MGST3: variants seen among roughly 807,000 people sequenced by gnomAD.
MGST3 encodes microsomal glutathione S-transferase 3.
MGST3 carries 13 observed loss-of-function variants against 15.8 expected under a neutral mutation model. The ratio of observed to expected loss-of-function variants is 0.82; its 90% CI spans 0.54 to 1.31. The LOEUF (loss-of-function observed/expected upper bound fraction) is 1.31. Ranked by LOEUF, MGST3 falls within the 50% of genes most tolerant of loss-of-function variation. MGST3 has a pLI of 0.00. For synonymous variants in MGST3, 49 were observed against 68.1 expected, an observed-to-expected ratio of 0.72 and a Z score of 1.38; for missense variants, 155 against 192.4, an observed-to-expected ratio of 0.81 and a Z score of 1.15.
At chr1:165,632,085 G>T in intron 1 of MGST3, 1 of 645,918 alleles carries the variant, frequency 1.5e-6, no homozygotes. Context: ...TGTGGCTTCT[G>T]CTGATACTTT....
chr1:165,654,222 TA>T (rs34608497), intron 4 of MGST3, 56 bp from the exon 5 acceptor site: 1 of 1,547,738 alleles, frequency 6.5e-7, no homozygotes, highest in Non-Finnish European at 8.9e-7. Context: ...CCCTAGGTGT[TA>T]AAAAAGGTTT....
At chr1:165,643,273 C>T (rs963209150) in intron 1 of MGST3, among the ~76,000 whole-genome samples, 75 of 152,036 alleles carry the variant, frequency 4.9e-4, no homozygotes, top group South Asian at 6.2e-4. Context: ...TTAACTGGCC[C>T]TCTATTATTG....
At chr1:165,654,500 G>C in intron 5 of MGST3, 149 bp downstream of exon 5, 1 of 739,988 alleles carries the variant, frequency 1.4e-6, no homozygotes, top group Non-Finnish European at 2.4e-6. Context: ...ATACCAGCCT[G>C]GGCAACATGG....
At position 165,632,174 on chromosome 1, in the gene MGST3, A is replaced by G. The variant is rs1337600488; in HGVS notation, c.-8+881A>G. On this transcript the variant is annotated intron_variant, in intron 1 of 5. Coordinates refer to ENST00000367889, the MANE Select transcript of MGST3 (RefSeq NM_004528.4). Reference sequence around the variant, plus strand: ...GTGGAAGACGAGGTAAAGGAAAAGCAGATACTAGGATGGGTAGAAGGAGAG... The same window carrying G: ...GTGGAAGACGAGGTAAAGGAAAAGCGGATACTAGGATGGGTAGAAGGAGAG... 6.8e-6 allele frequency: 10 copies of G among 1,462,060 alleles called. No homozygotes were observed. The East Asian group carries it at 2.1e-4, about 30-fold the overall frequency. 90.6% of individuals were successfully genotyped at this position (1,462,060 alleles called of 1,614,324 possible).
At chr1:165,641,167 A>T (rs1648254992) in intron 1 of MGST3, among the ~76,000 whole-genome samples, 1 of 147,974 alleles carries the variant, frequency 6.8e-6, no homozygotes, top group South Asian at 2.3e-4. Context: ...TGGGGGGAAG[A>T]GCAAAACTTT....
chr1:165,639,603 G>C (rs977823653), intron 1 of MGST3, among the ~76,000 whole-genome samples: 3 of 152,160 alleles, frequency 2.0e-5, no homozygotes, highest in African/African-American at 4.8e-5. Flanking sequence ...AGGAGTTCGA[G>C]ACCAGCCTGG....
chr1:165,642,603 C>T (rs537691493), intron 1 of MGST3, among the ~76,000 whole-genome samples: 123 of 152,258 alleles, frequency 8.1e-4, no homozygotes, highest in Middle Eastern at 3.4e-3. Context: ...TGTAACGTAA[C>T]ATAATATATA....
chr1:165,636,055 G>A (rs978159562), intron 1 of MGST3, among the ~76,000 whole-genome samples: 6 of 152,122 alleles, frequency 3.9e-5, no homozygotes, highest in South Asian at 2.1e-4. Flanking sequence ...AAGGTTTGGC[G>A]CTCAAACAGA....
At chr1:165,644,922 C>G (rs919029713) in intron 1 of MGST3, among the ~76,000 whole-genome samples, 6 of 152,024 alleles carry the variant, frequency 3.9e-5, no homozygotes, top group African/African-American at 1.4e-4. Context: ...CCTCGCCCAG[C>G]TAATTTTTTT....
At chr1:165,639,787 A>C (rs2101716554) in intron 1 of MGST3, among the ~76,000 whole-genome samples, 1 of 152,296 alleles carries the variant, frequency 6.6e-6, no homozygotes, top group South Asian at 2.1e-4. Flanking sequence ...TTGGTGACAG[A>C]GCAAGACCCT....
chr1:165,636,945 C>T (rs965497736), intron 1 of MGST3: 1 of 152,132 alleles, frequency 6.6e-6, no homozygotes, highest in Non-Finnish European at 1.5e-5. Flanking sequence ...CAAGTGGACC[C>T]TCAGCACCAC....
intron 5 of MGST3, among the ~76,000 whole-genome samples, chr1:165,655,123 T>C (rs1648672768): frequency 6.6e-6 from 1 of 152,208 alleles, no homozygotes; most frequent in South Asian, 2.1e-4. Flanking sequence ...CCAAAGGTCC[T>C]AGAGCAAAGT....
rs199861118 is a variant in MGST3, at chr1:165,654,388, T to C, written c.322+37T>C. The C allele has an allele frequency of 6.6e-5, 104 of 1,585,818 alleles. No individual in the cohort carries two copies. The African/African-American group carries it at 1.1e-3, about 17-fold the overall frequency. On this transcript the variant is annotated intron_variant, in intron 5 of 5. Transcript: ENST00000367889. ...TTGACATTTGCCAAGGAAACAACTT[T>C]AAAATTTTAAATCCTATGCTGGCCA...
intron 1 of MGST3, among the ~76,000 whole-genome samples, chr1:165,642,743 G>A (rs1648292928): frequency 6.6e-6 from 1 of 152,164 alleles, no homozygotes; most frequent in African/African-American, 2.4e-5. Flanking sequence ...GGAAACTGAG[G>A]TGCTGAAAGG....
chr1:165,632,272 C>T (rs753826403), intron 1 of MGST3: 1 of 1,612,570 alleles, frequency 6.2e-7, no homozygotes, highest in Non-Finnish European at 8.5e-7. Context: ...TCCGGCTCTG[C>T]AGGTATGTGC....
intron 4 of MGST3, 79 bp from the exon 5 acceptor site, chr1:165,654,200 T>C: frequency 7.4e-7 from 1 of 1,346,728 alleles, no homozygotes; most frequent in East Asian, 2.3e-5. Context: ...TGCTAACATA[T>C]TGTGTAATCA....
intron 1 of MGST3, among the ~76,000 whole-genome samples, chr1:165,635,416 C>A (rs903877837): frequency 6.6e-6 from 1 of 152,188 alleles, no homozygotes; most frequent in African/African-American, 2.4e-5. Flanking sequence ...AGAAGGCACA[C>A]TCCAGAGAAG....
intron 2 of MGST3, 162 bp from the exon 3 acceptor site, chr1:165,650,852 G>A: frequency 1.5e-6 from 1 of 674,490 alleles, no homozygotes; most frequent in Non-Finnish European, 2.7e-6. Flanking sequence ...TCTGAGAATT[G>A]AGACCCTTGT....
At chr1:165,651,385 T>A in intron 3 of MGST3, 1 of 451,596 alleles carries the variant, frequency 2.2e-6, no homozygotes, top group South Asian at 2.1e-5. Context: ...CTCCCAGGCC[T>A]AGGGAGTGAA....
Sources: gnomAD v4.1 joint callset for allele counts (sites outside exome capture counted in the v4.1 genomes callset) on GRCh38, gnomAD v4.1.1 for gene constraint, MANE v1.5 for transcripts, NCBI Gene and HGNC (gene_info 2026-07-23, HGNC 2026-07-21) for gene names.